Variants in FHIT observed in about 807,000 individuals in gnomAD.
FHIT encodes fragile histidine triad diadenosine triphosphatase, also known as bis(5'-adenosyl)-triphosphatase.
In FHIT, 19 loss-of-function variants were observed where a neutral mutation model predicts 17.9. That is an observed-to-expected ratio of 1.06 (90% CI 0.74 to 1.56). FHIT has a LOEUF of 1.56. Ranked by LOEUF, FHIT falls within the 40% of genes most tolerant of loss-of-function variation. The pLI is 0.00. For synonymous variants in FHIT, 81 were observed against 69.7 expected (o/e 1.16, Z -0.81); for missense variants, 248 against 189.2 (o/e 1.31, Z -1.82).
At chr3:60,577,760 G>A (rs2037618233) in intron 4 of FHIT, among the ~76,000 whole-genome samples, 1 of 152,092 alleles carries the variant, frequency 6.6e-6, no homozygotes, top group Non-Finnish European at 1.5e-5. Context: ...TTATGAAAAT[G>A]AGATGCTCTG....
intron 3 of FHIT, among the ~76,000 whole-genome samples, chr3:60,951,829 TC>T (rs1296214642): frequency 6.6e-6 from 1 of 152,144 alleles, no homozygotes; most frequent in Non-Finnish European, 1.5e-5. Context: ...AGGATTGTTT[TC>T]CCTAAATAAA....
intron 2 of FHIT, among the ~76,000 whole-genome samples, chr3:61,093,762 C>T (rs1392754597): frequency 6.6e-6 from 1 of 152,154 alleles, no homozygotes; most frequent in Non-Finnish European, 1.5e-5. Flanking sequence ...GATATTCACC[C>T]CTGACCAAAT....
intron 4 of FHIT, among the ~76,000 whole-genome samples, chr3:60,569,734 T>TATATATATATATATATAC (rs1553654732): frequency 0.079 from 3,447 of 43,702 alleles, 135 homozygotes; most frequent in Non-Finnish European, 0.11. Flanking sequence ...ACTATATATA[T>TATATATATATATATATAC]ATATATATAT....
At chr3:60,959,762 A>T (rs1404830911) in intron 3 of FHIT, among the ~76,000 whole-genome samples, 2 of 148,752 alleles carry the variant, frequency 1.3e-5, no homozygotes, top group African/African-American at 2.4e-5. Flanking sequence ...GCGTGCAAAA[A>T]CCAGGTGAGC....
At chr3:60,444,124 CA>C (rs1443097011) in intron 5 of FHIT, among the ~76,000 whole-genome samples, 1 of 152,070 alleles carries the variant, frequency 6.6e-6, no homozygotes, top group Admixed American at 6.6e-5. Flanking sequence ...CAGAGAAATG[CA>C]AATCAAAACC....
intron 5 of FHIT, among the ~76,000 whole-genome samples, chr3:60,273,720 G>C (rs1370544052): frequency 6.6e-6 from 1 of 152,150 alleles, no homozygotes; most frequent in Non-Finnish European, 1.5e-5. Context: ...TTACAAGGCA[G>C]CAATTAACAT....
At chr3:61,038,143 A>T (rs993399027) in intron 3 of FHIT, among the ~76,000 whole-genome samples, 1 of 152,250 alleles carries the variant, frequency 6.6e-6, no homozygotes, top group Non-Finnish European at 1.5e-5. Context: ...GAACTTTAAA[A>T]TGGAATAGTC....
intron 8 of FHIT, among the ~76,000 whole-genome samples, chr3:59,879,012 GA>G (rs142759260): frequency 1.1e-4 from 16 of 144,732 alleles, no homozygotes; most frequent in East Asian, 8.0e-4. Flanking sequence ...GTCAGCAAAG[GA>G]AAAAAAAAAG....
chr3:60,098,447 TG>T (rs1704056186), intron 5 of FHIT, among the ~76,000 whole-genome samples: 1 of 151,824 alleles, frequency 6.6e-6, no homozygotes, highest in South Asian at 2.1e-4. Context: ...GGTTTTGATT[TG>T]CATTTCTCTG....
chr3:60,771,112 T>C (rs1048004200), intron 4 of FHIT, among the ~76,000 whole-genome samples: 5 of 152,228 alleles, frequency 3.3e-5, no homozygotes, highest in African/African-American at 1.2e-4. Flanking sequence ...TGCATTCCTT[T>C]TCCAACTCAA....
intron 3 of FHIT, among the ~76,000 whole-genome samples, chr3:60,896,682 A>G (rs1217142150): frequency 6.6e-6 from 1 of 152,240 alleles, no homozygotes; most frequent in Non-Finnish European, 1.5e-5. Flanking sequence ...ACCAAATTGA[A>G]GTCAAGGTAC....
At chr3:60,015,956 A>AGAT (rs2106707730) in intron 5 of FHIT, among the ~76,000 whole-genome samples, 1 of 152,380 alleles carries the variant, frequency 6.6e-6, no homozygotes, top group Non-Finnish European at 1.5e-5. Flanking sequence ...GAAGAACAGC[A>AGAT]GATAGCTTTT....
intron 3 of FHIT, among the ~76,000 whole-genome samples, chr3:60,939,374 T>C (rs1708319061): frequency 6.6e-6 from 1 of 152,156 alleles, no homozygotes; most frequent in Non-Finnish European, 1.5e-5. Flanking sequence ...AGTTGAGTAG[T>C]TGTGACCATA....
intron 8 of FHIT, among the ~76,000 whole-genome samples, chr3:59,858,577 G>A (rs752705585): frequency 1.2e-4 from 18 of 152,002 alleles, no homozygotes; most frequent in South Asian, 2.1e-4. Context: ...AGGCAGGAGC[G>A]AGGGGTGTCT....
At chr3:61,207,255 A>T (rs2039272837) in intron 1 of FHIT, among the ~76,000 whole-genome samples, 1 of 152,150 alleles carries the variant, frequency 6.6e-6, no homozygotes, top group Non-Finnish European at 1.5e-5. Flanking sequence ...ATTGATGTTC[A>T]TCAGGGATAT....
intron 8 of FHIT, among the ~76,000 whole-genome samples, chr3:59,761,935 G>C (rs971614689): frequency 2.6e-5 from 4 of 152,116 alleles, no homozygotes; most frequent in African/African-American, 7.2e-5. Flanking sequence ...TCCTTATTAA[G>C]TCAGGAACTT....
chr3:61,161,012 T>C (rs1216505088), intron 2 of FHIT, among the ~76,000 whole-genome samples: 1 of 152,096 alleles, frequency 6.6e-6, no homozygotes, highest in African/African-American at 2.4e-5. Flanking sequence ...TGTTCATAAA[T>C]ATTATGGAAG....
At chr3:59,980,094 A>G (rs1050940645) in intron 7 of FHIT, among the ~76,000 whole-genome samples, 1 of 152,168 alleles carries the variant, frequency 6.6e-6, no homozygotes, top group African/African-American at 2.4e-5. Flanking sequence ...ACACCACTTA[A>G]GCTTACATTG....
intron 4 of FHIT, among the ~76,000 whole-genome samples, chr3:60,567,364 T>G: frequency 6.6e-6 from 1 of 152,150 alleles, no homozygotes; most frequent in Non-Finnish European, 1.5e-5. Context: ...GAAAGGATTC[T>G]CTATTTAATA....
Sources: gnomAD v4.1 joint callset for allele counts (sites outside exome capture counted in the v4.1 genomes callset) on GRCh38, gnomAD v4.1.1 for gene constraint, MANE v1.5 for transcripts, NCBI Gene and HGNC (gene_info 2026-07-23, HGNC 2026-07-21) for gene names.